Variants in THSD7B observed in about 807,000 individuals in gnomAD.
The protein encoded by THSD7B is thrombospondin type-1 domain-containing protein 7B.
Under a neutral mutation model 213.6 loss-of-function variants are expected in THSD7B, and 138 were observed. The ratio of observed to expected loss-of-function variants is 0.65; its 90% CI spans 0.56 to 0.74. The LOEUF (loss-of-function observed/expected upper bound fraction) is 0.74, where lower values mean the gene tolerates loss of function less well. Ranked by LOEUF, THSD7B falls within the 30% of genes least tolerant of loss-of-function variation. THSD7B has a pLI of 0.00. For synonymous variants in THSD7B, 742 were observed against 687.0 expected, an observed-to-expected ratio of 1.08 and a Z score of -1.25; for missense variants, 1,931 against 1,991.5, an observed-to-expected ratio of 0.97 and a Z score of 0.58.
chr2:137,232,821 A>T, intron 8 of THSD7B, 78 bp from the exon 9 acceptor site: 1 of 1,346,378 alleles, frequency 7.4e-7, no homozygotes, highest in Non-Finnish European at 1.0e-6. Context: ...CTGTCTCTCT[A>T]GACCATTAAA....
chr2:137,168,976 A>G (rs992826336), intron 6 of THSD7B, among the ~76,000 whole-genome samples: 3 of 151,970 alleles, frequency 2.0e-5, no homozygotes, highest in Non-Finnish European at 4.4e-5. Flanking sequence ...AGTTAATGAT[A>G]TAGACATGGA....
intron 2 of THSD7B, among the ~76,000 whole-genome samples, chr2:136,890,119 C>T (rs1384883312): frequency 2.0e-5 from 3 of 152,030 alleles, no homozygotes. Context: ...CCATTCTGAT[C>T]CCGACTTTTT....
chr2:137,330,221 G>A (rs181393916), intron 12 of THSD7B, among the ~76,000 whole-genome samples: 188 of 152,286 alleles, frequency 1.2e-3, no homozygotes, highest in Non-Finnish European at 2.1e-3. Context: ...GGCTAGAGCA[G>A]TTTGGAAGGG....
intron 20 of THSD7B, among the ~76,000 whole-genome samples, chr2:137,624,268 C>T (rs1466936814): frequency 2.0e-5 from 3 of 152,158 alleles, no homozygotes; most frequent in South Asian, 2.1e-4. Flanking sequence ...GAAAACTGGC[C>T]AGCCAGATGT....
intron 14 of THSD7B, among the ~76,000 whole-genome samples, chr2:137,447,346 C>T (rs1179115790): frequency 6.6e-6 from 1 of 152,116 alleles, no homozygotes; most frequent in African/African-American, 2.4e-5. Flanking sequence ...GACATTCAAA[C>T]ATTTAAAGTT....
At chr2:137,228,615 A>C (rs1361430987) in intron 7 of THSD7B, among the ~76,000 whole-genome samples, 3 of 152,108 alleles carry the variant, frequency 2.0e-5, no homozygotes, top group African/African-American at 7.2e-5. Flanking sequence ...TTTCCTACCT[A>C]ACCTTTGCTG....
intron 12 of THSD7B, among the ~76,000 whole-genome samples, chr2:137,360,773 G>A (rs1685237592): frequency 6.6e-6 from 1 of 152,166 alleles, no homozygotes; most frequent in African/African-American, 2.4e-5. Context: ...CCCACCTCTG[G>A]GGGCAGGGCA....
At position 136,779,292 on chromosome 2, in the gene THSD7B, A is replaced by G. The variant is rs963156171; in HGVS notation, c.-36+13605A>G. On this transcript the variant is annotated intron_variant, in intron 1 of 27. Transcript: ENST00000409968. The stretch of plus-strand genomic sequence containing the variant: ...ATCAGGAAAACAACTTATAATATTT[A>G]TAAAGTTTTTCCTTTGGGAAATATG... Among the ~76,000 whole-genome samples the G allele has an allele frequency of 2.6e-5, 4 of 151,784 alleles. 1 individual carries two copies. The highest frequency in any genetic ancestry group is 2.6e-4 in the Admixed American group (4 of 15,230).
At chr2:137,374,305 A>G (rs1445238194) in intron 12 of THSD7B, among the ~76,000 whole-genome samples, 1 of 152,056 alleles carries the variant, frequency 6.6e-6, no homozygotes, top group African/African-American at 2.4e-5. Flanking sequence ...GACTTTCTCT[A>G]TTCTGCCTTA....
intron 14 of THSD7B, among the ~76,000 whole-genome samples, chr2:137,424,380 C>T (rs1686994007): frequency 6.6e-6 from 1 of 152,054 alleles, no homozygotes; most frequent in East Asian, 1.9e-4. Flanking sequence ...AAGAGGCTAG[C>T]ATGATCCTTA....
chr2:137,144,965 T>G (rs1679665390), intron 5 of THSD7B, among the ~76,000 whole-genome samples: 1 of 152,058 alleles, frequency 6.6e-6, no homozygotes, highest in African/African-American at 2.4e-5. Context: ...GATTTTCTCA[T>G]TTGTAAAAGT....
rs79026068 is a variant in THSD7B at position 136,959,068 on chromosome 2, G to A, written c.139+76751G>A. Among the ~76,000 whole-genome samples, 486 of 152,300 alleles carry A rather than the reference G, an allele frequency of 3.2e-3. 2 individuals are homozygous for A. The highest frequency in any genetic ancestry group is 0.011 in the African/African-American group (463 of 41,552). On this transcript the variant is annotated intron_variant, in intron 2 of 27. Coordinates refer to ENST00000409968, the MANE Select transcript of THSD7B (RefSeq NM_001316349.2). ...GGGATTCTGGGAAATTCTTTAAGGA[G>A]TGTAATTGGTTACAAGTGTATCGCA...
intron 12 of THSD7B, among the ~76,000 whole-genome samples, chr2:137,324,718 A>T (rs1445160923): frequency 6.6e-6 from 1 of 152,212 alleles, no homozygotes; most frequent in African/African-American, 2.4e-5. Context: ...AAGTTTAAAA[A>T]ATTGTTTTGT....
intron 17 of THSD7B, among the ~76,000 whole-genome samples, chr2:137,612,530 A>G (rs1682307971): frequency 1.3e-5 from 2 of 152,198 alleles, no homozygotes; most frequent in Non-Finnish European, 2.9e-5. Context: ...ACTGCAAAGA[A>G]GGCTGGGATG....
rs936912908 is a variant in THSD7B, at chr2:136,877,397, C to T, written c.-35-4747C>T. Among the ~76,000 whole-genome samples, 5 of 151,992 alleles carry T rather than the reference C, an allele frequency of 3.3e-5. No individual in the cohort carries two copies. In the South Asian group the frequency reaches 8.3e-4, roughly 25 times the overall value. On this transcript the variant is annotated intron_variant, in intron 1 of 27. Transcript: ENST00000409968. Reference sequence around the variant, plus strand: ...GTTTTAGAATTGTGTCTAGTAACGCCGCAAAAGTTTCATGAAATCATCTAA... The same window carrying T: ...GTTTTAGAATTGTGTCTAGTAACGCTGCAAAAGTTTCATGAAATCATCTAA...
chr2:136,824,819 T>TA (rs994676560), intron 1 of THSD7B, among the ~76,000 whole-genome samples: 64 of 152,320 alleles, frequency 4.2e-4, no homozygotes, highest in African/African-American at 1.5e-3. Context: ...TGCCTAGCAG[T>TA]TGGAGGTCTG....
chr2:137,419,273 A>G (rs534334548), intron 14 of THSD7B, among the ~76,000 whole-genome samples: 22 of 149,972 alleles, frequency 1.5e-4, no homozygotes, highest in Non-Finnish European at 2.7e-4. Context: ...GAGATACCCC[A>G]TCTACTCAGT....
At chr2:137,492,341 T>C (rs723659) in intron 15 of THSD7B, among the ~76,000 whole-genome samples, 7,704 of 152,288 alleles carry the variant, frequency 0.051, 252 homozygotes, top group Non-Finnish European at 0.072. Context: ...ATTATATACA[T>C]GTGCCTGCTA....
intron 1 of THSD7B, among the ~76,000 whole-genome samples, chr2:136,868,481 T>C (rs962955674): frequency 1.3e-5 from 2 of 152,214 alleles, no homozygotes; most frequent in African/African-American, 4.8e-5. Flanking sequence ...CAACTGTAGA[T>C]ACATTTTTCA....
Sources: gnomAD v4.1 joint callset for allele counts (sites outside exome capture counted in the v4.1 genomes callset) on GRCh38, gnomAD v4.1.1 for gene constraint, MANE v1.5 for transcripts, NCBI Gene and HGNC (gene_info 2026-07-23, HGNC 2026-07-21) for gene names.